DGKB: variants seen among roughly 807,000 people sequenced by gnomAD.
The protein encoded by DGKB is 90 kDa diacylglycerol kinase.
DGKB carries 67 observed loss-of-function variants against 114.3 expected under a neutral mutation model. The observed-to-expected ratio is 0.59, with a 90% confidence interval of 0.48 to 0.72. The LOEUF (loss-of-function observed/expected upper bound fraction) is 0.72. DGKB is among the 30% of genes least tolerant of loss of function. The pLI, the probability that DGKB is intolerant of heterozygous loss-of-function variation, is 0.00. For synonymous variants in DGKB, 398 were observed against 323.1 expected, an observed-to-expected ratio of 1.23 and a Z score of -2.49; for missense variants, 907 against 975.2, an observed-to-expected ratio of 0.93 and a Z score of 0.93.
intron 1 of DGKB, among the ~76,000 whole-genome samples, chr7:14,960,817 T>C (rs769853074): frequency 2.0e-5 from 3 of 152,118 alleles, no homozygotes; most frequent in Non-Finnish European, 4.4e-5. Context: ...TACATTTATC[T>C]TATCTTCCTC....
chr7:14,340,159 CTTTTTTTTT>C (rs35208788), intron 22 of DGKB, among the ~76,000 whole-genome samples: 1 of 89,174 alleles, frequency 1.1e-5, no homozygotes, highest in Admixed American at 1.3e-4. Context: ...CTGGATGATG[CTTTTTTTTT>C]TTTTTTTTTT....
chr7:14,579,038 G>T (rs1210737866), intron 19 of DGKB, among the ~76,000 whole-genome samples: 2 of 151,998 alleles, frequency 1.3e-5, no homozygotes, highest in Non-Finnish European at 2.9e-5. Flanking sequence ...TATATTTTAG[G>T]TCCAGTTTTA....
intron 23 of DGKB, among the ~76,000 whole-genome samples, chr7:14,283,755 C>T (rs956024134): frequency 2.0e-5 from 3 of 152,212 alleles, no homozygotes; most frequent in African/African-American, 7.2e-5. Flanking sequence ...CAAAAACAAG[C>T]AATGGGGAAA....
intron 21 of DGKB, among the ~76,000 whole-genome samples, chr7:14,373,355 C>A (rs575310787): frequency 2.0e-4 from 30 of 152,218 alleles, no homozygotes; most frequent in African/African-American, 7.0e-4. Flanking sequence ...CAGAAAGGAA[C>A]CACATTTTTG....
chr7:14,809,531 G>T (rs139341498), intron 2 of DGKB, among the ~76,000 whole-genome samples: 1 of 152,078 alleles, frequency 6.6e-6, no homozygotes, highest in Non-Finnish European at 1.5e-5. Flanking sequence ...AAGAAATGCA[G>T]GGCTTTTCCA....
chr7:14,478,112 G>C (rs374237485), intron 21 of DGKB, 49 bp downstream of exon 21: 2 of 1,320,272 alleles, frequency 1.5e-6, no homozygotes, highest in Non-Finnish European at 2.1e-6. Context: ...TCTTTTTATG[G>C]CAAAATTCAG....
intron 21 of DGKB, among the ~76,000 whole-genome samples, chr7:14,422,647 TTTTG>T (rs2128767435): frequency 6.6e-6 from 1 of 152,126 alleles, no homozygotes; most frequent in African/African-American, 2.4e-5. Context: ...CTCATAGGTT[TTTTG>T]TTTGTTTTAG....
chr7:14,161,259 T>TC (rs1352594713), intron 25 of DGKB, among the ~76,000 whole-genome samples: 1 of 152,152 alleles, frequency 6.6e-6, no homozygotes, highest in African/African-American at 2.4e-5. Context: ...GTGTGGCGAT[T>TC]TCTCAAGGAT....
intron 1 of DGKB, among the ~76,000 whole-genome samples, chr7:14,857,168 A>C (rs1173068247): frequency 6.6e-6 from 1 of 151,916 alleles, no homozygotes; most frequent in East Asian, 1.9e-4. Flanking sequence ...GTCTAGAGGT[A>C]AGAGAATTGA....
intron 21 of DGKB, among the ~76,000 whole-genome samples, chr7:14,358,980 G>A (rs1011299752): frequency 2.6e-5 from 4 of 152,074 alleles, no homozygotes; most frequent in Admixed American, 2.6e-4. Flanking sequence ...AAAAGAGCCT[G>A]CCTTGCAAAG....
chr7:14,284,686 A>T (rs1283494070), intron 23 of DGKB, among the ~76,000 whole-genome samples: 8 of 151,240 alleles, frequency 5.3e-5, no homozygotes, highest in Middle Eastern at 3.2e-3. Flanking sequence ...CAGCCATAAA[A>T]AATGATGAGT....
chr7:14,918,342 A>G (rs1274247870), intron 1 of DGKB, among the ~76,000 whole-genome samples: 3 of 152,174 alleles, frequency 2.0e-5, no homozygotes, highest in African/African-American at 7.2e-5. Flanking sequence ...AAAGTACAAA[A>G]AAGAACAACA....
chr7:14,960,144 C>G (rs1369505231), intron 1 of DGKB, among the ~76,000 whole-genome samples: 1 of 151,996 alleles, frequency 6.6e-6, no homozygotes, highest in Non-Finnish European at 1.5e-5. Context: ...TAAGATCAGC[C>G]TCTTAACTTT....
intron 23 of DGKB, among the ~76,000 whole-genome samples, chr7:14,320,515 A>G (rs915515075): frequency 2.0e-5 from 3 of 151,818 alleles, no homozygotes; most frequent in African/African-American, 7.3e-5. Flanking sequence ...TCTTTTCCAC[A>G]TATATATATG....
At chr7:14,412,032 T>C (rs10950523) in intron 21 of DGKB, among the ~76,000 whole-genome samples, 3,807 of 152,208 alleles carry the variant, frequency 0.025, 79 homozygotes, top group Non-Finnish European at 0.04. Flanking sequence ...TTTTGTTTAC[T>C]TGTGTGGTTA....
chr7:14,419,346 A>T (rs1826308157), intron 21 of DGKB, among the ~76,000 whole-genome samples: 1 of 151,956 alleles, frequency 6.6e-6, no homozygotes. Flanking sequence ...ACTAGGAAAT[A>T]CACATGTAAA....
intron 20 of DGKB, among the ~76,000 whole-genome samples, chr7:14,557,195 T>C (rs1197768328): frequency 6.6e-6 from 1 of 152,240 alleles, no homozygotes; most frequent in African/African-American, 2.4e-5. Context: ...ACCACTATCT[T>C]AGATGTGCTA....
chr7:14,307,995 A>G (rs909459992), intron 23 of DGKB, among the ~76,000 whole-genome samples: 2 of 152,114 alleles, frequency 1.3e-5, no homozygotes, highest in South Asian at 4.1e-4. Flanking sequence ...TTTTGAAATA[A>G]CACATTTTCC....
At chr7:14,693,054 T>A (rs1045816386) in intron 9 of DGKB, among the ~76,000 whole-genome samples, 1 of 152,122 alleles carries the variant, frequency 6.6e-6, no homozygotes, top group African/African-American at 2.4e-5. Context: ...CTTTTAAAAA[T>A]TTGGTGTCTT....
Sources: gnomAD v4.1 joint callset for allele counts (sites outside exome capture counted in the v4.1 genomes callset) on GRCh38, gnomAD v4.1.1 for gene constraint, MANE v1.5 for transcripts, NCBI Gene and HGNC (gene_info 2026-07-23, HGNC 2026-07-21) for gene names.